Variants in KIRREL3 observed in about 807,000 individuals in gnomAD.
The protein encoded by KIRREL3 is kin of IRRE-like protein 3.
Under a neutral mutation model 89.7 loss-of-function variants are expected in KIRREL3, and 36 were observed. That is an observed-to-expected ratio of 0.40 (90% confidence interval 0.31 to 0.53). The LOEUF is 0.53. Ranked by LOEUF, KIRREL3 falls within the 20% of genes least tolerant of loss-of-function variation. The probability of loss-of-function intolerance (pLI) is 0.49; values close to 1 mark genes in which losing one functional copy is unlikely to be tolerated. For missense variants in KIRREL3, 864 were observed against 1,056.6 expected (o/e 0.82, Z 2.53); for synonymous variants, 445 against 441.4 (o/e 1.01, Z -0.10).
chr11:127,000,234 C>T lies in KIRREL3; in HGVS notation c.55+221G>A, dbSNP rs1282587419. Among the ~76,000 whole-genome samples, 1 of 152,110 alleles carries T rather than the reference C, an allele frequency of 6.6e-6. No homozygotes were observed. The highest frequency in any genetic ancestry group is 2.4e-5 in the African/African-American group (1 of 41,420). On this transcript the variant is annotated intron_variant, in intron 1 of 16. Coordinates refer to ENST00000525144, the MANE Select transcript of KIRREL3 (RefSeq NM_032531.4). This position sits in a 1 kb window ranked among gnomAD's most constrained non-coding sequence, Gnocchi z 7.1. Reference sequence around the variant, plus strand: ...GACAAGTGAGAGGAGAAAGTCATTCCCCTCCCCTCCCATACCCCTTCTTTC... The same window carrying T: ...GACAAGTGAGAGGAGAAAGTCATTCTCCTCCCCTCCCATACCCCTTCTTTC...
At chr11:126,945,110 A>G (rs535517962) in intron 1 of KIRREL3, 1 of 152,178 alleles carries the variant, frequency 6.6e-6, no homozygotes, top group Non-Finnish European at 1.5e-5. Flanking sequence ...CGAGTTCTCC[A>G]TTATGCTTCG....
intron 2 of KIRREL3, chr11:126,549,153 CA>C (rs1939056720): frequency 6.6e-6 from 1 of 152,192 alleles, no homozygotes; most frequent in South Asian, 2.1e-4. Flanking sequence ...ACTCGGTACA[CA>C]GTTACTGAAA....
chr11:126,883,452 A>G lies in KIRREL3; in HGVS notation c.55+117003T>C, dbSNP rs7127757. On this transcript the variant is annotated intron_variant, in intron 1 of 16. Coordinates refer to ENST00000525144, the MANE Select transcript of KIRREL3 (RefSeq NM_032531.4). The surrounding 1 kb of genome is among the most constrained non-coding windows in gnomAD (Gnocchi z 4.1). Reference sequence around the variant, plus strand: ...GGACTTTGCATTACTTCCAAAGGTCATGGTCACCGTCACAATTTCCATGAC... The same window carrying G: ...GGACTTTGCATTACTTCCAAAGGTCGTGGTCACCGTCACAATTTCCATGAC... Among the ~76,000 whole-genome samples the G allele has an allele frequency of 0.013, 2,033 of 152,264 alleles. 47 individuals carry two copies. The highest frequency in any genetic ancestry group is 0.046 in the African/African-American group (1,929 of 41,540).
Position 126,709,457 on chromosome 11 carries a change from C to A in KIRREL3, c.56-146545G>T, listed in dbSNP as rs1341255676. On this transcript the variant is annotated intron_variant, in intron 1 of 16. Transcript: ENST00000525144. The surrounding 1 kb of genome is among the most constrained non-coding windows in gnomAD (Gnocchi z 4.0). Reference sequence around the variant, plus strand: ...AACACCTGCTAATGAGTGGTGGTGGCAGTGGTAGGGAGTAGGTTGAACTGT... The same window carrying A: ...AACACCTGCTAATGAGTGGTGGTGGAAGTGGTAGGGAGTAGGTTGAACTGT... Among the ~76,000 whole-genome samples the A allele has an allele frequency of 6.6e-6, 1 of 152,174 alleles. No individual in the cohort carries two copies. The highest frequency in any genetic ancestry group is 2.4e-5 in the African/African-American group (1 of 41,440).
At chr11:126,426,022 TG>T (rs1392224849) in intron 15 of KIRREL3, among the ~76,000 whole-genome samples, 2 of 152,250 alleles carry the variant, frequency 1.3e-5, no homozygotes, top group African/African-American at 4.8e-5. Context: ...AGATCTCCCA[TG>T]GCTGATTCAA....
Position 126,752,700 on chromosome 11 carries a change from A to G in KIRREL3, c.56-189788T>C, listed in dbSNP as rs1592074338. On this transcript the variant is annotated intron_variant, in intron 1 of 16. Coordinates refer to ENST00000525144, the MANE Select transcript of KIRREL3 (RefSeq NM_032531.4). This position sits in a 1 kb window ranked among gnomAD's most constrained non-coding sequence, Gnocchi z 4.8. ...CAAATTCAATTCCTCCTGACAAAGA[A>G]ATCTAAATTCATGGATTTTCCCAGC... Among the ~76,000 whole-genome samples, 1 of 152,284 alleles carries G rather than the reference A, an allele frequency of 6.6e-6. No homozygotes were observed. Among genetic ancestry groups the G allele is most frequent in the South Asian group, 2.1e-4 (1 of 4,820 alleles).
At chr11:126,887,664 C>T (rs949400599) in intron 1 of KIRREL3, among the ~76,000 whole-genome samples, 2 of 152,072 alleles carry the variant, frequency 1.3e-5, no homozygotes, top group African/African-American at 4.8e-5. Context: ...AGCAGAATGA[C>T]ACACATGGCT....
intron 16 of KIRREL3, 110 bp downstream of exon 16, chr11:126,425,528 C>T (rs1027106602): frequency 6.9e-6 from 7 of 1,018,852 alleles, no homozygotes; most frequent in African/African-American, 6.4e-5. Context: ...TGGCCTCTGA[C>T]CTTTTCTTCT....
chr11:126,899,740 T>C (rs1350179718), intron 1 of KIRREL3, among the ~76,000 whole-genome samples: 1 of 152,202 alleles, frequency 6.6e-6, no homozygotes, highest in Non-Finnish European at 1.5e-5. Flanking sequence ...AGTAGGAAGG[T>C]TGGTTAGCTA....
intron 2 of KIRREL3, among the ~76,000 whole-genome samples, chr11:126,536,546 G>A (rs1412878259): frequency 6.6e-6 from 1 of 151,572 alleles, no homozygotes; most frequent in Non-Finnish European, 1.5e-5. Context: ...TGGGATGGTT[G>A]TGTAACAGGG....
In KIRREL3 at chr11:126,883,498, T is replaced by C. The variant is rs1327148146; in HGVS notation, c.55+116957A>G. 1.3e-5 allele frequency among the ~76,000 whole-genome samples: 2 copies of C among 152,142 alleles called. No individual in the cohort carries two copies. Among genetic ancestry groups the C allele is most frequent in the African/African-American group, 4.8e-5 (2 of 41,444 alleles). On this transcript the variant is annotated intron_variant, in intron 1 of 16. Transcript: ENST00000525144. The surrounding 1 kb of genome is among the most constrained non-coding windows in gnomAD (Gnocchi z 4.1). ...ATGACCTTACTCATGCTGGCAACTC[T>C]GCTTGAAACGTCCTTAACTCATCTT...
chr11:126,849,207 T>C (rs1239713465), intron 1 of KIRREL3, among the ~76,000 whole-genome samples: 1 of 152,070 alleles, frequency 6.6e-6, no homozygotes, highest in Admixed American at 6.6e-5. Context: ...CCTCTGGTCG[T>C]CCTCACTGCT....
rs1591600656 is a variant in KIRREL3 at position 126,474,548 on chromosome 11, A to C, written c.434-1082T>G. On this transcript the variant is annotated intron_variant, in intron 4 of 16. Coordinates refer to ENST00000525144, the MANE Select transcript of KIRREL3 (RefSeq NM_032531.4). The surrounding 1 kb of genome is among the most constrained non-coding windows in gnomAD (Gnocchi z 6.7). ...AGCGCTGGCATCTCCTGAGCTCCTC[A>C]CTCCTCCAGAGCGGCTCCAGCCCCT... Among the ~76,000 whole-genome samples the C allele has an allele frequency of 6.6e-6, 1 of 151,888 alleles. No individual in the cohort carries two copies. The highest frequency in any genetic ancestry group is 1.5e-5 in the Non-Finnish European group (1 of 67,916).
chr11:126,504,488 A>G (rs142141148), intron 4 of KIRREL3, among the ~76,000 whole-genome samples: 2 of 152,364 alleles, frequency 1.3e-5, no homozygotes, highest in East Asian at 3.9e-4. Context: ...TTCTAGAGGA[A>G]AAATATGAAT....
At position 126,440,533 on chromosome 11, in the gene KIRREL3, G is replaced by C. The variant is rs1009928688; in HGVS notation, c.1269C>G (p.Ser423=). The change falls in exon 11 of 17, where the codon TCC becomes TCG. Residue 423 remains serine, a synonymous_variant. Coordinates refer to ENST00000525144, the MANE Select transcript of KIRREL3 (RefSeq NM_032531.4). ...TLTVNGPPII[S]STQTQHALHG... Reference sequence around the variant, plus strand: ...GGAGGGCGTGCTGGGTCTGGGTGCTGGAGATGATGGGGGGTCCTGTTGAGA... The same window carrying C: ...GGAGGGCGTGCTGGGTCTGGGTGCTCGAGATGATGGGGGGTCCTGTTGAGA... The C allele has an allele frequency of 1.9e-6, 3 of 1,599,814 alleles. No individual in the cohort carries two copies. The highest frequency in any genetic ancestry group is 2.6e-6 in the Non-Finnish European group (3 of 1,173,618).
rs150108358 is a variant in KIRREL3 at position 126,773,917 on chromosome 11, C to T, written c.56-211005G>A. ...CCCAGGGAGGTGAGGAGGTTGTGCA[C>T]TTGTCCACTCTTAACTCTTTTTTAC... On this transcript the variant is annotated intron_variant, in intron 1 of 16. Coordinates refer to ENST00000525144, the MANE Select transcript of KIRREL3 (RefSeq NM_032531.4). The surrounding 1 kb of genome is among the most constrained non-coding windows in gnomAD (Gnocchi z 4.2). Among the ~76,000 whole-genome samples the T allele has an allele frequency of 2.0e-4, 30 of 152,268 alleles. No homozygotes were observed. The East Asian group carries it at 5.0e-3, about 25-fold the overall frequency.
chr11:126,670,944 G>T (rs1349276614), intron 1 of KIRREL3, among the ~76,000 whole-genome samples: 6 of 152,152 alleles, frequency 3.9e-5, no homozygotes, highest in Admixed American at 1.3e-4. Flanking sequence ...TAAAGCCACA[G>T]TAATCAAGAC....
chr11:126,465,200 G>A (rs925244915), intron 5 of KIRREL3, among the ~76,000 whole-genome samples: 1 of 152,146 alleles, frequency 6.6e-6, no homozygotes, highest in African/African-American at 2.4e-5. Flanking sequence ...ACTGGAGCCA[G>A]GGAGTAGATG....
chr11:126,425,794 G>T, intron 15 of KIRREL3, 70 bp from the exon 16 acceptor site: 1 of 1,270,092 alleles, frequency 7.9e-7, no homozygotes, highest in Admixed American at 2.0e-5. Context: ...AGGAAAAGAT[G>T]AGATCAGAAA....
Sources: gnomAD v4.1 joint callset for allele counts (sites outside exome capture counted in the v4.1 genomes callset) on GRCh38, gnomAD v4.1.1 for gene constraint, Gnocchi (gnomAD v3.1) non-coding constraint, MANE v1.5 for transcripts, NCBI Gene and HGNC (gene_info 2026-07-23, HGNC 2026-07-21) for gene names.